CHN2: variants seen among roughly 807,000 people sequenced by gnomAD.
CHN2 encodes chimerin 2.
In CHN2, 35 loss-of-function variants were observed where a neutral mutation model predicts 56.3. The ratio of observed to expected loss-of-function variants is 0.62; its 90% CI spans 0.47 to 0.82. The LOEUF (loss-of-function observed/expected upper bound fraction) is 0.82, where lower values mean the gene tolerates loss of function less well. Among genes scored for constraint, CHN2 ranks in the 40% least tolerant of loss-of-function variants. The probability of loss-of-function intolerance (pLI) is 0.00; values close to 1 mark genes in which losing one functional copy is unlikely to be tolerated. For missense variants in CHN2, 491 were observed against 580.5 expected, an observed-to-expected ratio of 0.85 and a Z score of 1.58; for synonymous variants, 210 against 212.8, an observed-to-expected ratio of 0.99 and a Z score of 0.12.
In CHN2 at chr7:29,310,691, G is replaced by A. The variant is rs1408262325; in HGVS notation, c.50-43934G>A. Among the ~76,000 whole-genome samples the A allele has an allele frequency of 3.3e-5, 5 of 152,140 alleles. No individual in the cohort carries two copies. The East Asian group carries it at 5.8e-4, about 18-fold the overall frequency. ...TTGTTTCTTACAGGTTTGGTGTCTG[G>A]TGAAAACCCATTTCCTGATTCATAA... On this transcript the variant is annotated intron_variant, in intron 1 of 12. Coordinates refer to ENST00000222792, the MANE Select transcript of CHN2 (RefSeq NM_004067.4).
intron 1 of CHN2, among the ~76,000 whole-genome samples, chr7:29,274,087 A>G (rs575449477): frequency 4.6e-5 from 7 of 152,322 alleles, no homozygotes; most frequent in African/African-American, 1.7e-4. Context: ...TGGTGTCCCA[A>G]GCAAATAATC....
At chr7:29,507,702 T>A (rs1790742299) in intron 11 of CHN2, among the ~76,000 whole-genome samples, 1 of 152,186 alleles carries the variant, frequency 6.6e-6, no homozygotes, top group South Asian at 2.1e-4. Flanking sequence ...AGATCATGGG[T>A]ATCCAATCTT....
intron 7 of CHN2, among the ~76,000 whole-genome samples, chr7:29,493,723 A>G (rs1788913877): frequency 6.6e-6 from 1 of 152,086 alleles, no homozygotes; most frequent in South Asian, 2.1e-4. Flanking sequence ...TTCAAAATAT[A>G]CCTCAAATTC....
chr7:29,314,438 A>G (rs111733073), intron 1 of CHN2, among the ~76,000 whole-genome samples: 1,807 of 152,366 alleles, frequency 0.012, 45 homozygotes, highest in African/African-American at 0.04. Flanking sequence ...TTGCAGGATG[A>G]GGAGAGTTCT....
At chr7:29,228,347 T>C (rs1445224311) in intron 1 of CHN2, among the ~76,000 whole-genome samples, 4 of 152,224 alleles carry the variant, frequency 2.6e-5, no homozygotes, top group Non-Finnish European at 4.4e-5. Context: ...ACACAAATAC[T>C]TTCCATTGTG....
intron 1 of CHN2, among the ~76,000 whole-genome samples, chr7:29,220,560 A>G (rs1051431140): frequency 2.6e-5 from 4 of 152,082 alleles, no homozygotes; most frequent in African/African-American, 4.8e-5. Context: ...GAGAAAATCA[A>G]CAACTTTCTT....
chr7:29,382,024 T>G (rs1800553757), intron 3 of CHN2, among the ~76,000 whole-genome samples: 5 of 152,126 alleles, frequency 3.3e-5, no homozygotes. Flanking sequence ...ACCTTGCTTC[T>G]CTGTGCCTCA....
At chr7:29,206,308 A>G (rs1562830014) in intron 1 of CHN2, among the ~76,000 whole-genome samples, 1 of 152,070 alleles carries the variant, frequency 6.6e-6, no homozygotes, top group Non-Finnish European at 1.5e-5. Flanking sequence ...CCCAAGATGG[A>G]AAAAACTCTA....
chr7:29,359,905 T>C (rs1001093789), intron 2 of CHN2, among the ~76,000 whole-genome samples: 1 of 152,142 alleles, frequency 6.6e-6, no homozygotes, highest in Non-Finnish European at 1.5e-5. Context: ...GGCTGACAGC[T>C]CTCCCTGGAG....
chr7:29,382,249 C>T (rs1800570080), intron 3 of CHN2, among the ~76,000 whole-genome samples: 1 of 152,152 alleles, frequency 6.6e-6, no homozygotes, highest in African/African-American at 2.4e-5. Flanking sequence ...TCTCAAATTC[C>T]AGGGGCAGAG....
Position 29,293,600 on chromosome 7 carries a change from C to T in CHN2, c.50-61025C>T, listed in dbSNP as rs554954229. ...GACACACAGGCCTCCTTGCAGTTCCCGCAAACAGGTAGGCTGTGTTTCAGG... is the reference window on the plus strand; with the variant it reads ...GACACACAGGCCTCCTTGCAGTTCCTGCAAACAGGTAGGCTGTGTTTCAGG... On this transcript the variant is annotated intron_variant, in intron 1 of 12. Coordinates refer to ENST00000222792, the MANE Select transcript of CHN2 (RefSeq NM_004067.4). Among the ~76,000 whole-genome samples the T allele has an allele frequency of 6.6e-5, 10 of 152,256 alleles. No homozygotes were observed. The South Asian group carries it at 1.9e-3, about 28-fold the overall frequency.
chr7:29,384,529 A>AGT (rs1465537942), intron 3 of CHN2, among the ~76,000 whole-genome samples: 2 of 152,084 alleles, frequency 1.3e-5, no homozygotes, highest in Admixed American at 1.3e-4. Context: ...CCCTCCCCTT[A>AGT]GTGGAGTTCT....
At chr7:29,424,495 A>G (rs1804652737) in intron 6 of CHN2, among the ~76,000 whole-genome samples, 1 of 152,218 alleles carries the variant, frequency 6.6e-6, no homozygotes, top group Middle Eastern at 3.2e-3. Context: ...CCCCAAGGGA[A>G]CATCAGCACT....
At chr7:29,436,264 C>G (rs540534089) in intron 6 of CHN2, among the ~76,000 whole-genome samples, 1 of 152,244 alleles carries the variant, frequency 6.6e-6, no homozygotes, top group East Asian at 1.9e-4. Context: ...CCAGAGACCA[C>G]GCTTTGACCA....
chr7:29,355,072 G>A (rs866161947), intron 2 of CHN2, among the ~76,000 whole-genome samples: 9 of 151,844 alleles, frequency 5.9e-5, no homozygotes, highest in Non-Finnish European at 1.2e-4. Context: ...GGGTTCAAGC[G>A]ATTCTCCTGC....
At chr7:29,365,371 A>T (rs1799069393) in intron 2 of CHN2, among the ~76,000 whole-genome samples, 1 of 152,216 alleles carries the variant, frequency 6.6e-6, no homozygotes, top group African/African-American at 2.4e-5. Flanking sequence ...CAGGACTTAC[A>T]ACATGCAGGG....
intron 6 of CHN2, among the ~76,000 whole-genome samples, chr7:29,462,193 G>T (rs1401865323): frequency 2.0e-5 from 3 of 152,128 alleles, no homozygotes; most frequent in Admixed American, 1.3e-4. Flanking sequence ...TGATGAGTTT[G>T]CATAAACCTG....
chr7:29,398,292 A>C lies in CHN2; in HGVS notation c.177-81A>C, dbSNP rs1801927614. ...GGGGCTGTCGATTCTGGGTGCCCCC[A>C]CCATCCTTTTAAGGCTAGTTCTTTG... On this transcript the variant is annotated intron_variant, in intron 4 of 12. Coordinates refer to ENST00000222792, the MANE Select transcript of CHN2 (RefSeq NM_004067.4). 5 of 1,085,126 alleles carry C rather than the reference A, an allele frequency of 4.6e-6. No individual in the cohort carries two copies. The Admixed American group carries it at 8.6e-5, about 19-fold the overall frequency. The allele number at this position is 1,085,126 out of a possible 1,614,324, so 67.2% of individuals were successfully genotyped here.
intron 6 of CHN2, among the ~76,000 whole-genome samples, chr7:29,468,100 A>G (rs1032644291): frequency 7.6e-5 from 11 of 144,666 alleles, no homozygotes; most frequent in African/African-American, 2.8e-4. Flanking sequence ...TTCAGCTCCA[A>G]TGGGCCGCCA....
Sources: gnomAD v4.1 joint callset for allele counts (sites outside exome capture counted in the v4.1 genomes callset) on GRCh38, gnomAD v4.1.1 for gene constraint, MANE v1.5 for transcripts, NCBI Gene and HGNC (gene_info 2026-07-23, HGNC 2026-07-21) for gene names.